Variants in GNB4 observed in about 807,000 individuals in gnomAD.
GNB4 encodes G protein subunit beta 4, also known as guanine nucleotide-binding protein subunit beta-4.
A neutral mutation model predicts 45.2 loss-of-function variants in GNB4; 28 were observed. The ratio of observed to expected loss-of-function variants is 0.62; its 90% CI spans 0.46 to 0.85. The LOEUF (loss-of-function observed/expected upper bound fraction) is 0.85. Among genes scored for constraint, GNB4 ranks in the 40% least tolerant of loss-of-function variants. The pLI, the probability that GNB4 is intolerant of heterozygous loss-of-function variation, is 0.00. For missense variants in GNB4, 321 were observed against 425.4 expected (o/e 0.75, Z 2.16); for synonymous variants, 132 against 143.7 (o/e 0.92, Z 0.58).
chr3:179,490,468 G>A, the GNB4 span, among the ~76,000 whole-genome samples: 6 of 152,164 alleles, frequency 3.9e-5, no homozygotes, highest in Non-Finnish European at 8.8e-5. Context: ...TTCATTAGGG[G>A]AGTTGGCTTA....
chr3:179,500,935 C>A, the GNB4 span, among the ~76,000 whole-genome samples: 1 of 152,122 alleles, frequency 6.6e-6, no homozygotes, highest in Non-Finnish European at 1.5e-5. Flanking sequence ...ATTTTGTATC[C>A]TGAGACTTTG....
At chr3:179,411,993 C>G (rs1714666155) in intron 8 of GNB4, among the ~76,000 whole-genome samples, 1 of 152,160 alleles carries the variant, frequency 6.6e-6, no homozygotes, top group African/African-American at 2.4e-5. Context: ...ACCCCTCCCC[C>G]TCAATTCTGA....
the GNB4 span, among the ~76,000 whole-genome samples, chr3:179,463,028 T>C: frequency 2.0e-5 from 3 of 151,752 alleles, no homozygotes; most frequent in Non-Finnish European, 4.4e-5. Context: ...TCTAGGAAGG[T>C]TTAAAGAAAA....
At chr3:179,493,478 G>C in the GNB4 span, among the ~76,000 whole-genome samples, 1 of 145,652 alleles carries the variant, frequency 6.9e-6, no homozygotes, top group Non-Finnish European at 1.5e-5. Flanking sequence ...TGATCAAACA[G>C]AAGAATCTAT....
chr3:179,488,997 A>AT, the GNB4 span, among the ~76,000 whole-genome samples: 13 of 27,888 alleles, frequency 4.7e-4, no homozygotes, highest in East Asian at 8.0e-3. Context: ...AAAAAAAAAA[A>AT]AAAAAAAAAA....
chr3:179,424,242 T>C (rs1715080631), intron 2 of GNB4, among the ~76,000 whole-genome samples: 1 of 152,212 alleles, frequency 6.6e-6, no homozygotes, highest in Non-Finnish European at 1.5e-5. Flanking sequence ...GAGATAGGCA[T>C]GTGGCCACAT....
the GNB4 span, among the ~76,000 whole-genome samples, chr3:179,525,916 G>A: frequency 8.5e-5 from 13 of 152,332 alleles, no homozygotes; most frequent in South Asian, 2.1e-4. Flanking sequence ...ACAGGGGACC[G>A]GTCTCCCGAA....
At chr3:179,483,348 T>C in the GNB4 span, among the ~76,000 whole-genome samples, 13 of 151,868 alleles carry the variant, frequency 8.6e-5, no homozygotes, top group African/African-American at 1.9e-4. Flanking sequence ...ACTATATATA[T>C]ACTATTTTAT....
At chr3:179,495,916 G>A in the GNB4 span, among the ~76,000 whole-genome samples, 26 of 152,274 alleles carry the variant, frequency 1.7e-4, no homozygotes, top group African/African-American at 6.0e-4. Flanking sequence ...AAAAGCTGAG[G>A]GAGCTCATTA....
the GNB4 span, among the ~76,000 whole-genome samples, chr3:179,514,566 G>A: frequency 6.6e-6 from 1 of 152,192 alleles, no homozygotes; most frequent in East Asian, 1.9e-4. Context: ...TTTGGAGATA[G>A]AGCCTTTCTG....
the GNB4 span, among the ~76,000 whole-genome samples, chr3:179,489,015 A>ATATATAT: frequency 3.1e-5 from 1 of 31,910 alleles, no homozygotes; most frequent in African/African-American, 1.5e-4. Flanking sequence ...AAAAAAAAAA[A>ATATATAT]AAAAATATAT....
rs189813869 is a variant in GNB4 at position 179,420,731 on chromosome 3, A to G, written c.96+158T>C. ...ACAATATATTTTAAAAAGCACTCGCACTGTATAGCATTTGACAAATTACGA... is the reference window on the plus strand; with the variant it reads ...ACAATATATTTTAAAAAGCACTCGCGCTGTATAGCATTTGACAAATTACGA... On this transcript the variant is annotated intron_variant, in intron 3 of 9. Transcript: ENST00000232564. Among the ~76,000 whole-genome samples, 92 of 152,242 alleles carry G rather than the reference A, an allele frequency of 6.0e-4. No individual in the cohort carries two copies. The East Asian group carries it at 8.9e-3, about 15-fold the overall frequency.
chr3:179,511,146 C>T, the GNB4 span, among the ~76,000 whole-genome samples: 2 of 152,192 alleles, frequency 1.3e-5, no homozygotes, highest in African/African-American at 4.8e-5. Flanking sequence ...GTTCCACCTG[C>T]TCAAAAGAGC....
intron 1 of GNB4, among the ~76,000 whole-genome samples, chr3:179,439,241 C>G (rs1297533638): frequency 2.0e-5 from 3 of 152,174 alleles, no homozygotes; most frequent in Admixed American, 2.0e-4. Flanking sequence ...GAGGAAAGTT[C>G]AAGAACGTGT....
At chr3:179,464,684 G>A in the GNB4 span, 322,700 of 1,071,066 alleles carry the variant, frequency 0.3, 51,604 homozygotes, top group South Asian at 0.42. Flanking sequence ...AGGAAGAATT[G>A]TTGAATTTAA....
chr3:179,523,889 T>TA, the GNB4 span, among the ~76,000 whole-genome samples: 1 of 152,194 alleles, frequency 6.6e-6, no homozygotes, highest in Non-Finnish European at 1.5e-5. Flanking sequence ...ATAATTTAGT[T>TA]AAAGTGTCTC....
At chr3:179,522,202 G>C in the GNB4 span, among the ~76,000 whole-genome samples, 1 of 152,218 alleles carries the variant, frequency 6.6e-6, no homozygotes, top group Non-Finnish European at 1.5e-5. Context: ...AAAATGGCCT[G>C]TTCCTGCCTT....
the GNB4 span, among the ~76,000 whole-genome samples, chr3:179,489,003 AAAAAAAAAAAAAAAAAAT>A: frequency 2.2e-4 from 8 of 36,980 alleles, no homozygotes; most frequent in African/African-American, 1.1e-3. Flanking sequence ...AAAAAAAAAA[AAAAAAAAAAAAAAAAAAT>A]ATATATATAT....
intron 1 of GNB4, among the ~76,000 whole-genome samples, chr3:179,442,840 G>A (rs955743172): frequency 1.2e-4 from 18 of 152,112 alleles, no homozygotes; most frequent in African/African-American, 3.9e-4. Flanking sequence ...ATGTTGCCTA[G>A]GCCTGTCTTG....
Sources: allele counts gnomAD v4.1 joint callset (sites outside exome capture counted in the v4.1 genomes callset), GRCh38; gene constraint gnomAD v4.1.1; transcripts MANE v1.5; gene names NCBI Gene and HGNC (gene_info 2026-07-23, HGNC 2026-07-21).